OSTM1: variants seen among roughly 807,000 people sequenced by gnomAD.
The protein encoded by OSTM1 is osteopetrosis-associated transmembrane protein 1.
OSTM1 carries 26 observed loss-of-function variants against 35.4 expected under a neutral mutation model. That is an observed-to-expected ratio of 0.73 (90% CI 0.54 to 1.02). The LOEUF (loss-of-function observed/expected upper bound fraction) is 1.02. Among genes scored for constraint, OSTM1 ranks in the 50% least tolerant of loss-of-function variants. OSTM1 has a pLI of 0.00. For missense variants in OSTM1, 366 were observed against 409.6 expected (o/e 0.89, Z 0.92); for synonymous variants, 181 against 165.0 (o/e 1.10, Z -0.75).
At chr6:108,055,182 C>G (rs1382366945) in intron 2 of OSTM1, among the ~76,000 whole-genome samples, 1 of 152,206 alleles carries the variant, frequency 6.6e-6, no homozygotes, top group Non-Finnish European at 1.5e-5. Context: ...AAAAATCCTA[C>G]ATAAATGGTA....
At chr6:108,053,573 C>T (rs1033904872) in intron 3 of OSTM1, among the ~76,000 whole-genome samples, 9 of 152,156 alleles carry the variant, frequency 5.9e-5, no homozygotes, top group African/African-American at 9.7e-5. Context: ...TGCAATGGCA[C>T]GATCTCAACT....
At chr6:108,049,495 A>G in intron 4 of OSTM1, 77 bp from the exon 5 acceptor site, 1 of 1,587,198 alleles carries the variant, frequency 6.3e-7, no homozygotes, top group Non-Finnish European at 8.6e-7. Context: ...TTTGCTAATA[A>G]CTAAACAGGA....
At chr6:108,065,239 C>CT (rs11300140) in intron 1 of OSTM1, among the ~76,000 whole-genome samples, 1,795 of 140,414 alleles carry the variant, frequency 0.013, 28 homozygotes, top group South Asian at 0.032. Flanking sequence ...TCTATTATCA[C>CT]TTTTTTTTTT....
chr6:108,057,432 G>A (rs1397954756), intron 2 of OSTM1, among the ~76,000 whole-genome samples: 2 of 152,152 alleles, frequency 1.3e-5, no homozygotes, highest in Non-Finnish European at 2.9e-5. Flanking sequence ...GTACATCTGT[G>A]TTATAATGAG....
intron 2 of OSTM1, among the ~76,000 whole-genome samples, chr6:108,057,031 C>T (rs1049534638): frequency 1.3e-5 from 2 of 152,134 alleles, no homozygotes; most frequent in Non-Finnish European, 2.9e-5. Context: ...GAGTTCGAGA[C>T]CAGCCTGGGC....
intron 2 of OSTM1, among the ~76,000 whole-genome samples, chr6:108,057,632 A>T (rs1463219159): frequency 6.6e-6 from 1 of 152,232 alleles, no homozygotes; most frequent in Non-Finnish European, 1.5e-5. Context: ...GAACAAAAGA[A>T]CTTAATTTCT....
chr6:108,057,780 G>A (rs1001028607), intron 2 of OSTM1, among the ~76,000 whole-genome samples: 1 of 152,110 alleles, frequency 6.6e-6, no homozygotes, highest in South Asian at 2.1e-4. Context: ...ATGACTTTCT[G>A]AATCGAAATA....
chr6:108,064,412 G>C, intron 1 of OSTM1, 113 bp from the exon 2 acceptor site: 1 of 699,992 alleles, frequency 1.4e-6, no homozygotes. Flanking sequence ...TTAACATTTT[G>C]TTTGATATGA....
intron 1 of OSTM1, among the ~76,000 whole-genome samples, chr6:108,071,663 T>C (rs117059929): frequency 0.017 from 2,547 of 152,098 alleles, 36 homozygotes; most frequent in Non-Finnish European, 0.028. Context: ...CCAGTCCATA[T>C]AGCCTTTTAA....
In OSTM1 at chr6:108,074,286, G is replaced by A. The variant is rs775254985; in HGVS notation, c.366C>T (p.Val122=). 6.2e-7 allele frequency: 1 copy of A among 1,612,470 alleles called. No homozygotes were observed. Among genetic ancestry groups the A allele is most frequent in the South Asian group, 1.1e-5 (1 of 91,016 alleles). The change falls in exon 1 of 6, where the codon GTC becomes GTT. Residue 122 remains valine (V), a synonymous_variant. Transcript: ENST00000193322. Reference sequence around the variant, plus strand: ...GGCTGATGTTGTCCATCTTGCTGACGACCTGTTGGAAGAGGGGGTAGCAGG... The same window carrying A: ...GGCTGATGTTGTCCATCTTGCTGACAACCTGTTGGAAGAGGGGGTAGCAGG... The part of the protein sequence containing the change: ...CQTCYPLFQQ[V]VSKMDNISRA...
rs1582390027 is a variant in OSTM1 at position 108,053,747 on chromosome 6, T to G, written c.615+743A>C. Among the ~76,000 whole-genome samples, 2 of 152,318 alleles carry G rather than the reference T, an allele frequency of 1.3e-5. 1 individual carries two copies. The highest frequency in any genetic ancestry group is 6.8e-3 in the Middle Eastern group (2 of 294). On this transcript the variant is annotated intron_variant, in intron 3 of 5. Transcript: ENST00000193322. ...TCCCAAGGTGCTGGGATTATAGGCA[T>G]GAGATACTGCACCTGGCCCAATTTT... is the stretch of plus-strand genomic sequence containing the variant.
At chr6:108,062,211 C>G (rs1772286865) in intron 2 of OSTM1, among the ~76,000 whole-genome samples, 1 of 152,088 alleles carries the variant, frequency 6.6e-6, no homozygotes, top group Admixed American at 6.6e-5. Flanking sequence ...TACCTGAACA[C>G]AAGTAGTGCC....
chr6:108,057,187 C>T (rs1270083660), intron 2 of OSTM1, among the ~76,000 whole-genome samples: 2 of 152,116 alleles, frequency 1.3e-5, no homozygotes, highest in Non-Finnish European at 2.9e-5. Flanking sequence ...TGTGATTGCG[C>T]CACTGCATTC....
chr6:108,053,637 T>C (rs1582389981), intron 3 of OSTM1, among the ~76,000 whole-genome samples: 1 of 152,212 alleles, frequency 6.6e-6, no homozygotes, highest in Non-Finnish European at 1.5e-5. Flanking sequence ...GGCTAAGTTT[T>C]GTATTTTTAG....
intron 1 of OSTM1, among the ~76,000 whole-genome samples, chr6:108,073,970 G>A (rs1459659716): frequency 2.0e-5 from 3 of 152,106 alleles, no homozygotes; most frequent in African/African-American, 7.2e-5. Context: ...TGGTGGAGTG[G>A]GTGGAGGAAG....
chr6:108,068,550 T>G (rs1437826449), intron 1 of OSTM1, among the ~76,000 whole-genome samples: 3 of 152,070 alleles, frequency 2.0e-5, no homozygotes, highest in African/African-American at 7.2e-5. Context: ...ACTCCCCACA[T>G]TCAATTAACC....
In OSTM1 at chr6:108,048,759, T is replaced by C. The variant is rs546454382; in HGVS notation, c.949+494A>G. Among the ~76,000 whole-genome samples, 34 of 147,822 alleles carry C rather than the reference T, an allele frequency of 2.3e-4. No homozygotes were observed. In the East Asian group the frequency reaches 3.3e-3, roughly 14 times the overall value. On this transcript the variant is annotated intron_variant, in intron 5 of 5. Coordinates refer to ENST00000193322, the MANE Select transcript of OSTM1 (RefSeq NM_014028.4). The stretch of plus-strand genomic sequence containing the variant: ...GACACTGTGTTTTAACTTTTTTTTT[T>C]TTTTTTTTTTTTGAGACAGTCTCAC...
chr6:108,045,386 C>G (rs1000852681), intron 5 of OSTM1, among the ~76,000 whole-genome samples: 1 of 150,822 alleles, frequency 6.6e-6, no homozygotes. Flanking sequence ...AATTTATCAC[C>G]AGCGCAACAA....
chr6:108,055,030 TA>T (rs1369339977), intron 2 of OSTM1, among the ~76,000 whole-genome samples: 3 of 152,212 alleles, frequency 2.0e-5, no homozygotes, highest in Non-Finnish European at 4.4e-5. Flanking sequence ...TTATTGTACC[TA>T]ATGGGGTAAC....
Sources: gnomAD v4.1 joint callset for allele counts (sites outside exome capture counted in the v4.1 genomes callset) on GRCh38, gnomAD v4.1.1 for gene constraint, MANE v1.5 for transcripts, NCBI Gene and HGNC (gene_info 2026-07-23, HGNC 2026-07-21) for gene names.